The following MCF2L2 variants were observed in gnomAD, a reference collection of about 807,000 sequenced individuals.
The protein encoded by MCF2L2 is MCF.2 cell line derived transforming sequence-like 2, also known as probable guanine nucleotide exchange factor MCF2L2.
In MCF2L2, 102 loss-of-function variants were observed where a neutral mutation model predicts 150.2. The ratio of observed to expected loss-of-function variants is 0.68; its 90% CI spans 0.58 to 0.80. The LOEUF (loss-of-function observed/expected upper bound fraction) is 0.80, where lower values mean the gene tolerates loss of function less well. MCF2L2 is among the 30% of genes least tolerant of loss of function. MCF2L2 has a pLI of 0.00. For missense variants in MCF2L2, 1,256 were observed against 1,372.8 expected, an observed-to-expected ratio of 0.91 and a Z score of 1.34; for synonymous variants, 465 against 491.3, an observed-to-expected ratio of 0.95 and a Z score of 0.71.
At chr3:183,198,763 C>T (rs1468029208) in intron 25 of MCF2L2, among the ~76,000 whole-genome samples, 1 of 152,022 alleles carries the variant, frequency 6.6e-6, no homozygotes, top group Non-Finnish European at 1.5e-5. Flanking sequence ...TGCAGGTGGT[C>T]CTTAAACCAC....
rs1721452455 is a variant in MCF2L2 at position 183,179,759 on chromosome 3, T to C, written c.3106-67A>G. Reference sequence around the variant, plus strand: ...GAGGCTGTGGCCAGACCGGGCAAGGTGGTGACTCCCGCTGGCAGGCTGAGG... The same window carrying C: ...GAGGCTGTGGCCAGACCGGGCAAGGCGGTGACTCCCGCTGGCAGGCTGAGG... On this transcript the variant is annotated intron_variant, in intron 28 of 29. Transcript: ENST00000328913. This position sits in a 1 kb window ranked among gnomAD's most constrained non-coding sequence, Gnocchi z 4.2. The C allele has an allele frequency of 6.4e-6, 9 of 1,405,316 alleles. No individual in the cohort carries two copies. In the South Asian group the frequency reaches 9.7e-5, roughly 15 times the overall value. The allele number at this position is 1,405,316 out of a possible 1,614,324, so 87.1% of individuals were successfully genotyped here. A position where few individuals can be genotyped will look rare whatever the true frequency, so the allele number is the denominator to read the frequency against.
At chr3:183,261,185 T>G (rs980903363) in intron 15 of MCF2L2, among the ~76,000 whole-genome samples, 9 of 152,184 alleles carry the variant, frequency 5.9e-5, no homozygotes, top group African/African-American at 2.2e-4. Context: ...TGTAAGTAAT[T>G]TATTAAGAAA....
intron 1 of MCF2L2, among the ~76,000 whole-genome samples, chr3:183,414,644 T>C (rs56071322): frequency 0.12 from 18,704 of 152,156 alleles, 1,238 homozygotes; most frequent in East Asian, 0.2. Context: ...GTGTGGAAGA[T>C]TGGGTTATTG....
rs980313144 is a variant in MCF2L2 at position 183,269,623 on chromosome 3, A to G, written c.1862+7249T>C. 14 of 590,464 alleles carry G rather than the reference A, an allele frequency of 2.4e-5. No individual in the cohort carries two copies. In the African/African-American group the frequency reaches 2.5e-4, roughly 11 times the overall value. The allele number at this position is 590,464 out of a possible 1,614,324, so 36.6% of individuals were successfully genotyped here. A position where few individuals can be genotyped will look rare whatever the true frequency, so the allele number is the denominator to read the frequency against. ...TCTACAGGGTGTTCCATTCTTCCGC[A>G]ATCTCAGAAAAATGGGACTAAAAGA... On this transcript the variant is annotated intron_variant, in intron 15 of 29. Coordinates refer to ENST00000328913, the MANE Select transcript of MCF2L2 (RefSeq NM_015078.4).
intron 3 of MCF2L2, among the ~76,000 whole-genome samples, chr3:183,343,860 A>G (rs1403036506): frequency 6.6e-6 from 1 of 152,242 alleles, no homozygotes; most frequent in Non-Finnish European, 1.5e-5. Context: ...AACGGAATGC[A>G]GTAAGTAAAA....
intron 1 of MCF2L2, among the ~76,000 whole-genome samples, chr3:183,407,661 A>G (rs552249843): frequency 6.6e-6 from 1 of 152,266 alleles, no homozygotes; most frequent in South Asian, 2.1e-4. Context: ...GCACTGAGGG[A>G]GAAAATGGTC....
chr3:183,228,264 T>G (rs770531261), intron 18 of MCF2L2, 33 bp downstream of exon 18: 1 of 1,555,720 alleles, frequency 6.4e-7, no homozygotes, highest in Non-Finnish European at 8.9e-7. Context: ...GGGCTGACTT[T>G]AACATGATTA....
chr3:183,223,144 G>A (rs1018547283), intron 20 of MCF2L2, among the ~76,000 whole-genome samples: 11 of 152,196 alleles, frequency 7.2e-5, no homozygotes, highest in African/African-American at 2.4e-4. Flanking sequence ...GCCCTCAGGT[G>A]CCCTCCAACT....
chr3:183,232,515 C>T (rs1462261596), intron 15 of MCF2L2, among the ~76,000 whole-genome samples: 1 of 152,076 alleles, frequency 6.6e-6, no homozygotes, highest in Non-Finnish European at 1.5e-5. Flanking sequence ...TTTTAGGAGT[C>T]CAAGTAGATG....
chr3:183,401,429 T>G (rs73184970), intron 1 of MCF2L2, among the ~76,000 whole-genome samples: 2 of 151,798 alleles, frequency 1.3e-5, no homozygotes, highest in Non-Finnish European at 2.9e-5. Flanking sequence ...AAAAAAAAAA[T>G]TTTTTTAAAG....
chr3:183,397,141 T>C (rs566205373), intron 1 of MCF2L2, among the ~76,000 whole-genome samples: 4 of 152,376 alleles, frequency 2.6e-5, no homozygotes, highest in Admixed American at 6.5e-5. Context: ...TAAATTTATA[T>C]TGAAACATGT....
chr3:183,277,784 T>C (rs1472112623), intron 14 of MCF2L2, among the ~76,000 whole-genome samples: 1 of 150,468 alleles, frequency 6.6e-6, no homozygotes, highest in Non-Finnish European at 1.5e-5. Flanking sequence ...AACATATATA[T>C]ATGTTTTCCT....
At chr3:183,363,204 G>A (rs192517101) in intron 3 of MCF2L2, among the ~76,000 whole-genome samples, 85 of 152,242 alleles carry the variant, frequency 5.6e-4, no homozygotes, top group African/African-American at 1.9e-3. Context: ...AATGCAACAC[G>A]GCACAGCCAC....
chr3:183,315,500 G>A (rs187398244), intron 7 of MCF2L2, among the ~76,000 whole-genome samples: 1 of 152,160 alleles, frequency 6.6e-6, no homozygotes, highest in African/African-American at 2.4e-5. Flanking sequence ...AGGTTGGATA[G>A]GGGGTGTTTA....
In MCF2L2 at chr3:183,216,554, A is replaced by T. The variant is rs1226761244; in HGVS notation, c.2371-460T>A. 9.1e-3 allele frequency among the ~76,000 whole-genome samples: 33 copies of T among 3,608 alleles called. 2 individuals are homozygous for T. The highest frequency in any genetic ancestry group is 0.049 in the South Asian group (6 of 122). The allele number at this position is 3,608 out of a possible 152,430, so 2.4% of individuals were successfully genotyped here. Reference sequence around the variant, plus strand: ...TATATAAAATATAAGTATATATATTATATATATATATATATATATATATAT... The same window carrying T: ...TATATAAAATATAAGTATATATATTTTATATATATATATATATATATATAT... On this transcript the variant is annotated intron_variant, in intron 21 of 29. Coordinates refer to ENST00000328913, the MANE Select transcript of MCF2L2 (RefSeq NM_015078.4).
At chr3:183,320,094 CT>C (rs568657208) in intron 6 of MCF2L2, among the ~76,000 whole-genome samples, 346 of 134,592 alleles carry the variant, frequency 2.6e-3, no homozygotes, top group East Asian at 0.013. Flanking sequence ...TTTTTCTTTT[CT>C]TTTTTTTTTT....
At chr3:183,198,372 G>C (rs1722144311) in intron 25 of MCF2L2, among the ~76,000 whole-genome samples, 3 of 152,052 alleles carry the variant, frequency 2.0e-5, no homozygotes, top group African/African-American at 7.2e-5. Flanking sequence ...TGAAATTCTA[G>C]AAAATGCAAA....
At chr3:183,369,161 A>G (rs1355470083) in intron 3 of MCF2L2, among the ~76,000 whole-genome samples, 1 of 152,222 alleles carries the variant, frequency 6.6e-6, no homozygotes, top group East Asian at 1.9e-4. Flanking sequence ...ACTTCAGAAT[A>G]ACCTTGAAAA....
At chr3:183,370,773 T>TTA (rs57190367) in intron 3 of MCF2L2, among the ~76,000 whole-genome samples, 4 of 101,216 alleles carry the variant, frequency 4.0e-5, no homozygotes, top group South Asian at 2.7e-4. Flanking sequence ...TTACTTAAAT[T>TTA]CTCGTGACAT....
Sources: gnomAD v4.1 joint callset for allele counts (sites outside exome capture counted in the v4.1 genomes callset) on GRCh38, gnomAD v4.1.1 for gene constraint, Gnocchi (gnomAD v3.1) non-coding constraint, MANE v1.5 for transcripts, NCBI Gene and HGNC (gene_info 2026-07-23, HGNC 2026-07-21) for gene names.